The following CDKAL1 variants were observed in gnomAD, a reference collection of about 807,000 sequenced individuals.
CDKAL1 encodes CDKAL1 threonylcarbamoyladenosine tRNA methylthiotransferase.
In CDKAL1, 32 loss-of-function variants were observed where a neutral mutation model predicts 68.2. The observed-to-expected ratio is 0.47, with a 90% CI of 0.35 to 0.63. The LOEUF is 0.63. CDKAL1 is among the 30% of genes least tolerant of loss of function. The pLI, the probability that CDKAL1 is intolerant of heterozygous loss-of-function variation, is 0.00. For synonymous variants in CDKAL1, 234 were observed against 244.3 expected, an observed-to-expected ratio of 0.96 and a Z score of 0.39; for missense variants, 606 against 696.7, an observed-to-expected ratio of 0.87 and a Z score of 1.47.
chr6:21,101,040 G>A (rs1773552120), intron 12 of CDKAL1, among the ~76,000 whole-genome samples: 1 of 152,152 alleles, frequency 6.6e-6, no homozygotes, highest in African/African-American at 2.4e-5. Flanking sequence ...TGCAGCCACA[G>A]CCTTACTGTG....
chr6:20,619,701 A>G (rs1032332116), intron 4 of CDKAL1, among the ~76,000 whole-genome samples: 7 of 152,196 alleles, frequency 4.6e-5, no homozygotes, highest in Non-Finnish European at 1.0e-4. Context: ...TGGTGTGTCT[A>G]TGCCTTGCTA....
intron 5 of CDKAL1, among the ~76,000 whole-genome samples, chr6:20,652,227 T>A (rs1460200752): frequency 1.3e-5 from 2 of 152,150 alleles, no homozygotes; most frequent in African/African-American, 2.4e-5. Context: ...AGCTAATAGG[T>A]GATTTTTGAG....
At chr6:20,807,884 T>G (rs1478236204) in intron 8 of CDKAL1, among the ~76,000 whole-genome samples, 1 of 152,204 alleles carries the variant, frequency 6.6e-6, no homozygotes, top group Non-Finnish European at 1.5e-5. Flanking sequence ...AGTAAATTTC[T>G]GTACTTCAAA....
At chr6:21,098,336 A>AG (rs1341732482) in intron 12 of CDKAL1, among the ~76,000 whole-genome samples, 2 of 152,102 alleles carry the variant, frequency 1.3e-5, no homozygotes, top group African/African-American at 4.8e-5. Context: ...TAACTATATA[A>AG]GGTGAGCGTG....
chr6:20,577,572 T>C (rs1764965762), intron 4 of CDKAL1, among the ~76,000 whole-genome samples: 1 of 152,236 alleles, frequency 6.6e-6, no homozygotes, highest in Non-Finnish European at 1.5e-5. Flanking sequence ...TAGAATGGAA[T>C]AGGTGCTCAG....
At chr6:20,940,247 T>C (rs1207555065) in intron 9 of CDKAL1, among the ~76,000 whole-genome samples, 1 of 152,186 alleles carries the variant, frequency 6.6e-6, no homozygotes, top group East Asian at 1.9e-4. Context: ...CAAAATCTTA[T>C]ATCTATCAAT....
chr6:21,027,705 A>G (rs1769037497), intron 11 of CDKAL1, among the ~76,000 whole-genome samples: 1 of 152,204 alleles, frequency 6.6e-6, no homozygotes. Context: ...TGTGAACGCC[A>G]TGTTTTGGAC....
At chr6:20,560,856 A>C (rs1375699305) in intron 4 of CDKAL1, among the ~76,000 whole-genome samples, 1 of 152,142 alleles carries the variant, frequency 6.6e-6, no homozygotes, top group East Asian at 1.9e-4. Flanking sequence ...ATGCTAATCC[A>C]TGTATACATT....
intron 4 of CDKAL1, chr6:20,558,926 G>A (rs1408221962): frequency 8.2e-6 from 2 of 244,602 alleles, no homozygotes; most frequent in Non-Finnish European, 1.6e-5. Context: ...ACCGTGGCTG[G>A]CCCTTAATAT....
intron 13 of CDKAL1, among the ~76,000 whole-genome samples, chr6:21,165,068 A>G (rs1777097877): frequency 6.6e-6 from 1 of 152,212 alleles, no homozygotes; most frequent in Non-Finnish European, 1.5e-5. Context: ...AAAGGAATAA[A>G]CTTCCTTCCT....
At chr6:20,599,353 A>G (rs1302567811) in intron 4 of CDKAL1, 1 of 453,122 alleles carries the variant, frequency 2.2e-6, no homozygotes, top group African/African-American at 2.0e-5. Context: ...TAATTTAATT[A>G]CATGTCTCTC....
chr6:20,702,732 T>G (rs1183997123), intron 5 of CDKAL1, among the ~76,000 whole-genome samples: 2 of 152,186 alleles, frequency 1.3e-5, no homozygotes, highest in African/African-American at 2.4e-5. Context: ...TCGGGGTTTT[T>G]ATAGGCACAC....
intron 14 of CDKAL1, 78 bp downstream of exon 14, chr6:21,198,182 A>AGG (rs1406119706): frequency 1.1e-6 from 1 of 932,828 alleles, no homozygotes; most frequent in African/African-American, 1.6e-5. Context: ...GGGCATTTAA[A>AGG]GGGGAGAGTG....
intron 4 of CDKAL1, among the ~76,000 whole-genome samples, chr6:20,587,870 C>A (rs1249729905): frequency 2.6e-5 from 4 of 152,084 alleles, no homozygotes; most frequent in African/African-American, 9.6e-5. Context: ...TTAAGTTGGG[C>A]AGATTGCTTG....
chr6:20,570,603 G>C (rs372273384), intron 4 of CDKAL1, among the ~76,000 whole-genome samples: 2 of 152,178 alleles, frequency 1.3e-5, no homozygotes, highest in African/African-American at 4.8e-5. Flanking sequence ...GTTTCACTGT[G>C]TTGGCCAGGC....
At chr6:21,095,481 G>A (rs1010556491) in intron 12 of CDKAL1, among the ~76,000 whole-genome samples, 1 of 152,186 alleles carries the variant, frequency 6.6e-6, no homozygotes, top group African/African-American at 2.4e-5. Context: ...TTAGGTGTTA[G>A]AATGGGTGCA....
At chr6:20,988,677 G>T (rs146212096) in intron 10 of CDKAL1, among the ~76,000 whole-genome samples, 5 of 152,022 alleles carry the variant, frequency 3.3e-5, no homozygotes, top group African/African-American at 1.2e-4. Context: ...TTGAGACTGA[G>T]TATCGCTCTG....
intron 4 of CDKAL1, among the ~76,000 whole-genome samples, chr6:20,646,048 A>ATTTTTTTTTTT (rs1171622769): frequency 3.4e-5 from 3 of 87,364 alleles, no homozygotes; most frequent in Non-Finnish European, 6.1e-5. Flanking sequence ...TCACGGTTAA[A>ATTTTTTTTTTT]TTTTTTTTTT....
intron 11 of CDKAL1, among the ~76,000 whole-genome samples, chr6:21,029,967 C>T (rs959767884): frequency 5.3e-5 from 8 of 152,118 alleles, no homozygotes; most frequent in African/African-American, 1.7e-4. Context: ...CCAGCAATCT[C>T]ATTACTGGGT....
Sources: gnomAD v4.1 joint callset for allele counts (sites outside exome capture counted in the v4.1 genomes callset) on GRCh38, gnomAD v4.1.1 for gene constraint, MANE v1.5 for transcripts, NCBI Gene and HGNC (gene_info 2026-07-23, HGNC 2026-07-21) for gene names.